COPB2: variants seen among roughly 807,000 people sequenced by gnomAD.
COPB2 encodes coat protein complex I subunit beta 2.
Under a neutral mutation model 120.8 loss-of-function variants are expected in COPB2, and 16 were observed. The observed-to-expected ratio is 0.13, with a 90% CI of 0.09 to 0.20. The LOEUF is 0.20. COPB2 is among the 10% of genes least tolerant of loss of function. COPB2 has a pLI of 1.00. For synonymous variants in COPB2, 332 were observed against 366.3 expected (o/e 0.91, Z 1.07); for missense variants, 794 against 1,076.5 (o/e 0.74, Z 3.67).
At chr3:139,376,550 C>T (rs1236150155) in intron 5 of COPB2, among the ~76,000 whole-genome samples, 1 of 152,072 alleles carries the variant, frequency 6.6e-6, no homozygotes, top group Admixed American at 6.5e-5. Context: ...CAACTAATTT[C>T]AAAGTTAATC....
At chr3:139,386,231 G>C (rs1941917436) in intron 1 of COPB2, among the ~76,000 whole-genome samples, 1 of 151,454 alleles carries the variant, frequency 6.6e-6, no homozygotes, top group African/African-American at 2.4e-5. Context: ...ACTGTCATCA[G>C]TCCCTTCCTC....
intron 13 of COPB2, 123 bp from the exon 14 acceptor site, chr3:139,367,268 C>G (rs957954313): frequency 8.9e-7 from 1 of 1,121,844 alleles, no homozygotes; most frequent in African/African-American, 1.6e-5. Context: ...CTTCCTATTT[C>G]TAGAAAAAAA....
intron 1 of COPB2, among the ~76,000 whole-genome samples, chr3:139,388,966 T>G (rs990211251): frequency 1.5e-4 from 23 of 152,198 alleles, no homozygotes; most frequent in Admixed American, 5.2e-4. Flanking sequence ...CCACTGGATT[T>G]GCAAATGCAT....
chr3:139,358,725 C>G lies in COPB2; in HGVS notation c.2553+19G>C. 2.6e-6 allele frequency: 4 copies of G among 1,560,544 alleles called. No homozygotes were observed. Among genetic ancestry groups the G allele is most frequent in the Non-Finnish European group, 3.5e-6 (4 of 1,133,652 alleles). ...TGAACCATCTCAGCCAAATTTATCA[C>G]ATGAAGTGCTCTACTGACCTGTTGA... On this transcript the variant is annotated intron_variant, in intron 20 of 21. Coordinates refer to ENST00000333188, the MANE Select transcript of COPB2 (RefSeq NM_004766.3).
Position 139,374,470 on chromosome 3 carries a change from A to T in COPB2, c.751+19T>A. On this transcript the variant is annotated intron_variant, in intron 7 of 21. Transcript: ENST00000333188. ...TGAGTAGTTACTAGCACAGGAATAAACATACCCTTCTAACTTACCATCTTC... is the reference window on the plus strand; with the variant it reads ...TGAGTAGTTACTAGCACAGGAATAATCATACCCTTCTAACTTACCATCTTC... The T allele has an allele frequency of 6.2e-7, 1 of 1,603,394 alleles. No individual in the cohort carries two copies. Among genetic ancestry groups the T allele is most frequent in the Non-Finnish European group, 8.5e-7 (1 of 1,170,250 alleles).
Position 139,357,828 on chromosome 3 carries a change from G to A in COPB2, c.*35C>T, listed in dbSNP as rs1317866442. The A allele has an allele frequency of 5.2e-6, 6 of 1,152,708 alleles. No individual in the cohort carries two copies. Among genetic ancestry groups the A allele is most frequent in the Non-Finnish European group, 7.6e-6 (6 of 789,580 alleles). 71.4% of individuals were successfully genotyped at this position (1,152,708 alleles called of 1,614,324 possible). The stretch of plus-strand genomic sequence containing the variant: ...GCAATCAATACCTATATATAATAAT[G>A]ATCTGTTTAGTCAGGTAAATGGAAA... On this transcript the variant is annotated 3_prime_UTR_variant, in exon 22 of 22. Coordinates refer to ENST00000333188, the MANE Select transcript of COPB2 (RefSeq NM_004766.3).
chr3:139,361,050 GAATT>G (rs762608793), intron 17 of COPB2, 27 bp downstream of exon 17: 14 of 1,608,512 alleles, frequency 8.7e-6, no homozygotes, highest in African/African-American at 4.0e-5. Flanking sequence ...CCTCAGTGTA[GAATT>G]AATTAATCTT....
At chr3:139,365,875 A>G (rs190842147) in intron 15 of COPB2, among the ~76,000 whole-genome samples, 534 of 152,360 alleles carry the variant, frequency 3.5e-3, no homozygotes, top group Non-Finnish European at 5.9e-3. Flanking sequence ...TAATGTAAAC[A>G]TTTGAGTAGT....
At chr3:139,366,940 T>C in intron 14 of COPB2, 75 bp downstream of exon 14, 1 of 1,546,040 alleles carries the variant, frequency 6.5e-7, no homozygotes, top group East Asian at 2.3e-5. Context: ...CAGCCTATCA[T>C]TGCTACAAGC....
At chr3:139,375,407 C>G (rs1432479129) in intron 6 of COPB2, 61 bp downstream of exon 6, 2 of 1,544,390 alleles carry the variant, frequency 1.3e-6, no homozygotes, top group Non-Finnish European at 1.8e-6. Context: ...TCTTAACTGT[C>G]CTATAAGAAA....
Position 139,359,153 on chromosome 3 carries a change from G to A in COPB2, c.2329C>T (p.Leu777Phe), listed in dbSNP as rs776736323. 9.9e-6 allele frequency: 16 copies of A among 1,613,698 alleles called. No homozygotes were observed. In the South Asian group the frequency reaches 1.5e-4, roughly 16 times the overall value. Residue 777 changes from leucine to phenylalanine, a missense_variant, in exon 19 of 22, where the codon CTC becomes TTC. This residue lies in a region of COPB2 where 178 missense variants were observed against 183.2 expected (regional missense o/e 0.97). Coordinates refer to ENST00000333188, the MANE Select transcript of COPB2 (RefSeq NM_004766.3). ...GCTGCTTTCTGATTGACTTTTGAGA[G>A]ATTCTCTCTCCAGAGTTTCACTACC... ...SRVVKLWRENLSKVNQKAAES... is the reference protein window; with the variant it reads ...SRVVKLWRENFSKVNQKAAES...
chr3:139,377,362 G>A (rs1560019342), intron 5 of COPB2, among the ~76,000 whole-genome samples: 1 of 152,210 alleles, frequency 6.6e-6, no homozygotes, highest in Admixed American at 6.5e-5. Flanking sequence ...GTAAATATTT[G>A]TGCTAAACCT....
chr3:139,376,677 G>C (rs527427076), intron 5 of COPB2, among the ~76,000 whole-genome samples: 1 of 152,272 alleles, frequency 6.6e-6, no homozygotes, highest in Admixed American at 6.5e-5. Context: ...TTTTATATAG[G>C]TGAAAGCAAA....
In COPB2 at chr3:139,357,940, C is replaced by T. The variant is rs778943754; in HGVS notation, c.2644G>A (p.Val882Ile). 2.5e-6 allele frequency: 4 copies of T among 1,591,110 alleles called. No individual in the cohort carries two copies. The South Asian group carries it at 4.5e-5, about 18-fold the overall frequency. ...KEEKSLLELE[V>I]DLDNLELEDI... ...TCTAATTCCAAATTATCCAAATCTA[C>T]TTCTAGTTCGAGTAAACTCTGCAGA... The change falls in exon 22 of 22, where the codon GTA becomes ATA. Residue 882 changes from valine to isoleucine, a missense_variant. Around this residue, in one of 3 missense-constraint regions of COPB2, gnomAD observed 178 missense variants for 183.2 expected, o/e 0.97. Transcript: ENST00000333188.
At chr3:139,383,132 A>G (rs1941844642) in intron 2 of COPB2, 166 bp downstream of exon 2, 3 of 748,290 alleles carry the variant, frequency 4.0e-6, no homozygotes, top group Non-Finnish European at 6.8e-6. Flanking sequence ...CCTACAAACT[A>G]TCCCCTCATA....
chr3:139,386,425 T>C (rs1941922987), intron 1 of COPB2, among the ~76,000 whole-genome samples: 1 of 152,114 alleles, frequency 6.6e-6, no homozygotes, highest in Non-Finnish European at 1.5e-5. Flanking sequence ...CAGCTAATTT[T>C]TGTATTTTTA....
chr3:139,387,661 A>C (rs925442691), intron 1 of COPB2, among the ~76,000 whole-genome samples: 4 of 152,152 alleles, frequency 2.6e-5, no homozygotes, highest in Non-Finnish European at 5.9e-5. Flanking sequence ...AGATCACCTT[A>C]TATATTTGAG....
chr3:139,383,363 T>C lies in COPB2; in HGVS notation c.76A>G (p.Thr26Ala), dbSNP rs1385600520. The C allele has an allele frequency of 6.2e-7, 1 of 1,613,490 alleles. No homozygotes were observed. Residue 26 changes from threonine to alanine, a missense_variant, in exon 2 of 22, where the codon ACA becomes GCA. By Grantham distance (58) the Thr-to-Ala change is moderately conservative. This residue lies in a region of COPB2 where 610 missense variants were observed against 866.7 expected (regional missense o/e 0.70). Coordinates refer to ENST00000333188, the MANE Select transcript of COPB2 (RefSeq NM_004766.3). Reference protein sequence around the residue: ...DRVKSVDLHPTEPWMLASLYN... With the variant: ...DRVKSVDLHPAEPWMLASLYN... The stretch of plus-strand genomic sequence containing the variant: ...AGACTTGCCAACATCCATGGCTCTG[T>C]AGGATGCAGATCCACACTCTTAACT...
At chr3:139,385,960 A>T (rs1407606692) in intron 1 of COPB2, among the ~76,000 whole-genome samples, 1 of 152,220 alleles carries the variant, frequency 6.6e-6, no homozygotes, top group Non-Finnish European at 1.5e-5. Context: ...GTGATCTTCT[A>T]TGATGATCAT....
Sources: allele counts gnomAD v4.1 joint callset (sites outside exome capture counted in the v4.1 genomes callset), GRCh38; gene constraint gnomAD v4.1.1; regional missense constraint gnomAD v4.1.1; transcripts MANE v1.5; gene names NCBI Gene and HGNC (gene_info 2026-07-23, HGNC 2026-07-21).